Variants in ASIC2 observed in about 807,000 individuals in gnomAD.
ASIC2 encodes acid-sensing ion channel 2.
A neutral mutation model predicts 57.3 loss-of-function variants in ASIC2; 25 were observed. That is an observed-to-expected ratio of 0.44 (90% CI 0.32 to 0.61). The LOEUF is 0.61. Ranked by LOEUF, ASIC2 falls within the 20% of genes least tolerant of loss-of-function variation. The pLI, the probability that ASIC2 is intolerant of heterozygous loss-of-function variation, is 0.06. For missense variants in ASIC2, 641 were observed against 738.1 expected (o/e 0.87, Z 1.52); for synonymous variants, 319 against 307.5 (o/e 1.04, Z -0.39).
chr17:33,199,071 A>G (rs1880718881), intron 1 of ASIC2, among the ~76,000 whole-genome samples: 1 of 152,236 alleles, frequency 6.6e-6, no homozygotes, highest in South Asian at 2.1e-4. Flanking sequence ...TCTGTTAACG[A>G]ATACCTCAGT....
chr17:33,737,558 T>C (rs1402198357), intron 1 of ASIC2, among the ~76,000 whole-genome samples: 1 of 151,742 alleles, frequency 6.6e-6, no homozygotes, highest in Non-Finnish European at 1.5e-5. Context: ...TAGGTTTATT[T>C]AACTTCTTTG....
At chr17:33,338,936 G>A (rs1907627556) in intron 1 of ASIC2, among the ~76,000 whole-genome samples, 2 of 152,152 alleles carry the variant, frequency 1.3e-5, no homozygotes, top group African/African-American at 4.8e-5. Context: ...TCAATGGGAA[G>A]CTATCCTTTA....
chr17:33,509,670 C>A (rs1009449585), intron 1 of ASIC2, among the ~76,000 whole-genome samples: 44 of 152,212 alleles, frequency 2.9e-4, no homozygotes, highest in African/African-American at 1.0e-3. Context: ...AGAGAGAAGA[C>A]TTAAGGTGAT....
intron 1 of ASIC2, among the ~76,000 whole-genome samples, chr17:33,588,448 C>G (rs890275220): frequency 6.6e-6 from 1 of 152,312 alleles, no homozygotes; most frequent in East Asian, 1.9e-4. Flanking sequence ...TGGCCACACA[C>G]TTTGTACAGT....
chr17:34,109,300 C>T (rs1598031244), intron 1 of ASIC2, among the ~76,000 whole-genome samples: 1 of 152,128 alleles, frequency 6.6e-6, no homozygotes, highest in African/African-American at 2.4e-5. Context: ...CTGTAAAATA[C>T]TATGGCAGGA....
intron 1 of ASIC2, among the ~76,000 whole-genome samples, chr17:33,746,424 G>A (rs1271417151): frequency 5.3e-5 from 7 of 132,426 alleles, no homozygotes; most frequent in South Asian, 5.1e-4. Flanking sequence ...CTGTAGATAC[G>A]TATATGAATA....
Position 33,404,980 on chromosome 17 carries a change from C to T in ASIC2, c.556-292913G>A, listed in dbSNP as rs1597716439. ...CTTATTTGATAAGCAGTGGGAGCTA[C>T]TGAACCCAGGTGGCTTATTTTTTTT... On this transcript the variant is annotated intron_variant, in intron 1 of 9. Transcript: ENST00000359872. 2.6e-5 allele frequency among the ~76,000 whole-genome samples: 4 copies of T among 152,060 alleles called. No homozygotes were observed. In the South Asian group the frequency reaches 8.3e-4, roughly 32 times the overall value.
At chr17:33,195,572 T>C (rs1455557506) in intron 1 of ASIC2, among the ~76,000 whole-genome samples, 1 of 152,224 alleles carries the variant, frequency 6.6e-6, no homozygotes, top group East Asian at 1.9e-4. Context: ...CCATCAACTT[T>C]TTTACATTAA....
chr17:33,545,425 T>C (rs12938023), intron 1 of ASIC2, among the ~76,000 whole-genome samples: 69,738 of 151,970 alleles, frequency 0.46, 16,101 homozygotes, highest in South Asian at 0.53. Context: ...TTGAAAAAAA[T>C]TGTGCATCTT....
At chr17:33,979,005 A>G (rs1377736194) in intron 1 of ASIC2, among the ~76,000 whole-genome samples, 1 of 152,192 alleles carries the variant, frequency 6.6e-6, no homozygotes, top group African/African-American at 2.4e-5. Flanking sequence ...ATCCAACCAG[A>G]GTCAGTTTAC....
intron 1 of ASIC2, among the ~76,000 whole-genome samples, chr17:33,452,544 G>A (rs1912287656): frequency 6.6e-6 from 1 of 152,286 alleles, no homozygotes; most frequent in East Asian, 1.9e-4. Flanking sequence ...TTAGTGGGTA[G>A]ACAGTCACTG....
intron 1 of ASIC2, among the ~76,000 whole-genome samples, chr17:34,033,201 T>A (rs540806510): frequency 1.2e-4 from 19 of 152,218 alleles, no homozygotes; most frequent in African/African-American, 4.6e-4. Flanking sequence ...GAACTCAGGA[T>A]TAAGAAACTC....
At chr17:33,538,298 G>A (rs1192557655) in intron 1 of ASIC2, among the ~76,000 whole-genome samples, 2 of 152,180 alleles carry the variant, frequency 1.3e-5, no homozygotes. Flanking sequence ...TGTAGGCAGA[G>A]TTGGGATGGC....
intron 1 of ASIC2, among the ~76,000 whole-genome samples, chr17:33,181,886 T>A (rs1263562561): frequency 6.6e-6 from 1 of 152,188 alleles, no homozygotes. Context: ...GAGGTCAGTG[T>A]GCTTGAAGCA....
At chr17:33,181,131 CA>C (rs1459564686) in intron 1 of ASIC2, among the ~76,000 whole-genome samples, 8 of 152,290 alleles carry the variant, frequency 5.3e-5, no homozygotes, top group Admixed American at 2.0e-4. Context: ...GTCAAAATGT[CA>C]GGCAGCTGGG....
At chr17:33,810,865 A>G (rs1463325337) in intron 1 of ASIC2, among the ~76,000 whole-genome samples, 1 of 74,300 alleles carries the variant, frequency 1.3e-5, no homozygotes, top group African/African-American at 6.9e-5. Flanking sequence ...CGAACTATGC[A>G]CACACACATA....
chr17:33,836,879 C>G (rs1176327728), intron 1 of ASIC2, among the ~76,000 whole-genome samples: 1 of 152,020 alleles, frequency 6.6e-6, no homozygotes, highest in African/African-American at 2.4e-5. Context: ...AGCAGATTTC[C>G]CAAGGTCACA....
At chr17:33,623,286 G>T (rs529204630) in intron 1 of ASIC2, among the ~76,000 whole-genome samples, 1 of 151,638 alleles carries the variant, frequency 6.6e-6, no homozygotes, top group Non-Finnish European at 1.5e-5. Flanking sequence ...TTTTGAGATG[G>T]AGTCTCTCTC....
intron 1 of ASIC2, among the ~76,000 whole-genome samples, chr17:33,701,244 G>A (rs963135560): frequency 2.0e-5 from 3 of 152,126 alleles, no homozygotes; most frequent in Non-Finnish European, 4.4e-5. Context: ...GGTGGGCGGA[G>A]GGGGCATATG....
Sources: allele counts gnomAD v4.1 joint callset (sites outside exome capture counted in the v4.1 genomes callset), GRCh38; gene constraint gnomAD v4.1.1; transcripts MANE v1.5; gene names NCBI Gene and HGNC (gene_info 2026-07-23, HGNC 2026-07-21).